CACNA1I: variants seen among roughly 807,000 people sequenced by gnomAD.
CACNA1I encodes the protein voltage-dependent T-type calcium channel subunit alpha-1I.
CACNA1I carries 74 observed loss-of-function variants against 201.6 expected under a neutral mutation model. The ratio of observed to expected loss-of-function variants is 0.37; its 90% CI spans 0.30 to 0.45. The LOEUF (loss-of-function observed/expected upper bound fraction) is 0.45, where lower values mean the gene tolerates loss of function less well. Among genes scored for constraint, CACNA1I ranks in the 20% least tolerant of loss-of-function variants. CACNA1I has a pLI of 1.00. For missense variants in CACNA1I, 2,346 were observed against 3,138.1 expected, an observed-to-expected ratio of 0.75 and a Z score of 6.03; for synonymous variants, 1,431 against 1,345.2, an observed-to-expected ratio of 1.06 and a Z score of -1.40.
Position 39,649,422 on chromosome 22 carries a change from G to A in CACNA1I, c.1568-79G>A. 7.3e-7 allele frequency: 1 copy of A among 1,370,960 alleles called. No homozygotes were observed. The allele number at this position is 1,370,960 out of a possible 1,614,324, so 84.9% of individuals were successfully genotyped here. Reference sequence around the variant, plus strand: ...GCAGACCTGTGGGCCTGGGAGCCAAGCGCACTCAGGGATGTGTCCCAGGGT... The same window carrying A: ...GCAGACCTGTGGGCCTGGGAGCCAAACGCACTCAGGGATGTGTCCCAGGGT... On this transcript the variant is annotated intron_variant, in intron 9 of 36. Transcript: ENST00000402142. This position sits in a 1 kb window ranked among gnomAD's most constrained non-coding sequence, Gnocchi z 7.3.
At position 39,585,525 on chromosome 22, in the gene CACNA1I, G is replaced by A. The variant is rs571802968; in HGVS notation, c.237-12626G>A. On this transcript the variant is annotated intron_variant, in intron 1 of 36. Coordinates refer to ENST00000402142, the MANE Select transcript of CACNA1I (RefSeq NM_021096.4). The stretch of plus-strand genomic sequence containing the variant: ...CTGCCTCAGCCTTCCAAGTAGCTGG[G>A]ATTACAGGTCTGAGCCACCACGCCC... 4.1e-3 allele frequency among the ~76,000 whole-genome samples: 621 copies of A among 150,056 alleles called. 4 individuals are homozygous for A. Among genetic ancestry groups the A allele is most frequent in the African/African-American group, 0.015 (598 of 40,810 alleles).
chr22:39,614,926 G>T (rs1384564560), intron 3 of CACNA1I, among the ~76,000 whole-genome samples: 1 of 152,242 alleles, frequency 6.6e-6, no homozygotes, highest in East Asian at 1.9e-4. Flanking sequence ...TTAGGAGCTG[G>T]CAGGAGGTAG....
chr22:39,573,828 G>A (rs1898587289), intron 1 of CACNA1I, among the ~76,000 whole-genome samples: 2 of 152,170 alleles, frequency 1.3e-5, no homozygotes, highest in African/African-American at 4.8e-5. Context: ...GGAGGGAGAG[G>A]AGTACTGGTT....
intron 1 of CACNA1I, among the ~76,000 whole-genome samples, chr22:39,596,822 C>T (rs1826382263): frequency 6.6e-6 from 1 of 152,086 alleles, no homozygotes; most frequent in Non-Finnish European, 1.5e-5. Flanking sequence ...GACCGCAGAG[C>T]CAGTCAGTGC....
intron 3 of CACNA1I, among the ~76,000 whole-genome samples, chr22:39,613,355 G>C (rs981805669): frequency 2.6e-5 from 4 of 152,194 alleles, no homozygotes; most frequent in African/African-American, 9.7e-5. Flanking sequence ...TGCCCTCATA[G>C]AGGATCAGTG....
intron 1 of CACNA1I, among the ~76,000 whole-genome samples, chr22:39,583,073 CATCCATCCAACA>C (rs1932619753): frequency 6.7e-6 from 1 of 149,388 alleles, no homozygotes; most frequent in African/African-American, 2.5e-5. Context: ...TCCATCCATC[CATCCATCCAACA>C]ATCCGTCCAT....
Position 39,665,218 on chromosome 22 carries a change from C to T in CACNA1I, c.3852-280C>T, listed in dbSNP as rs1569090709. On this transcript the variant is annotated intron_variant, in intron 21 of 36. Coordinates refer to ENST00000402142, the MANE Select transcript of CACNA1I (RefSeq NM_021096.4). This position sits in a 1 kb window ranked among gnomAD's most constrained non-coding sequence, Gnocchi z 5.5. ...CTAGACCAGGGTGTGGTGTGGACCCCGAGGAGCTGGGCACAGTGAGGGGTG... is the reference window on the plus strand; with the variant it reads ...CTAGACCAGGGTGTGGTGTGGACCCTGAGGAGCTGGGCACAGTGAGGGGTG... Among the ~76,000 whole-genome samples, 1 of 152,102 alleles carries T rather than the reference C, an allele frequency of 6.6e-6. No homozygotes were observed. The highest frequency in any genetic ancestry group is 1.5e-5 in the Non-Finnish European group (1 of 68,002).
chr22:39,634,272 G>C (rs1310061937), intron 4 of CACNA1I, among the ~76,000 whole-genome samples: 1 of 152,220 alleles, frequency 6.6e-6, no homozygotes, highest in Non-Finnish European at 1.5e-5. Context: ...ATTTGTGCAA[G>C]TACGCAGAAG....
At chr22:39,658,055 C>G (rs1203750385) in intron 10 of CACNA1I, 97 bp from the exon 11 acceptor site, 1 of 1,330,616 alleles carries the variant, frequency 7.5e-7, no homozygotes, top group African/African-American at 1.4e-5. Context: ...GGACACCGAC[C>G]TGCCAGGGTC....
At chr22:39,626,331 G>A (rs1179788620) in intron 4 of CACNA1I, among the ~76,000 whole-genome samples, 2 of 152,222 alleles carry the variant, frequency 1.3e-5, no homozygotes, top group African/African-American at 2.4e-5. Context: ...TACGCGATCC[G>A]CAGGTGCTGC....
chr22:39,668,553 T>C (rs136857), intron 24 of CACNA1I, among the ~76,000 whole-genome samples, 172 bp downstream of exon 24: 123,950 of 152,152 alleles, frequency 0.81, 51,299 homozygotes, highest in East Asian at 1. Flanking sequence ...ACCATTACAG[T>C]CCCTCCTCGG....
At chr22:39,612,672 C>G (rs1411236548) in intron 3 of CACNA1I, among the ~76,000 whole-genome samples, 11 of 152,190 alleles carry the variant, frequency 7.2e-5, no homozygotes, top group Non-Finnish European at 5.9e-5. Flanking sequence ...CCCAAAGGCC[C>G]TAATACCATC....
At position 39,577,719 on chromosome 22, in the gene CACNA1I, C is replaced by T. The variant is rs756944069; in HGVS notation, c.236+6731C>T. 7.9e-5 allele frequency among the ~76,000 whole-genome samples: 12 copies of T among 152,346 alleles called. 1 individual carries two copies. Among genetic ancestry groups the T allele is most frequent in the Middle Eastern group, 6.8e-3 (2 of 294 alleles). On this transcript the variant is annotated intron_variant, in intron 1 of 36. Transcript: ENST00000402142. ...ATGGCGAGAAACGACGGTGGACCAGCGTGCCGGCTGAGGGCCTGGAGAGGG... is the reference window on the plus strand; with the variant it reads ...ATGGCGAGAAACGACGGTGGACCAGTGTGCCGGCTGAGGGCCTGGAGAGGG...
At chr22:39,669,513 GTGAATGGATGGATGGGTGGATGGA>G (rs942839208) in intron 24 of CACNA1I, among the ~76,000 whole-genome samples, 1 of 151,690 alleles carries the variant, frequency 6.6e-6, no homozygotes, top group Non-Finnish European at 1.5e-5. Context: ...GCATGGATGG[GTGAATGGATGGATGGGTGGATGGA>G]TGAATGGATG....
Position 39,664,168 on chromosome 22 carries a change from C to A in CACNA1I, c.3666+9C>A. 1 of 1,609,890 alleles carries A rather than the reference C, an allele frequency of 6.2e-7. No homozygotes were observed. Among genetic ancestry groups the A allele is most frequent in the South Asian group, 1.1e-5 (1 of 90,348 alleles). On this transcript the variant is annotated intron_variant, in intron 20 of 36. Coordinates refer to ENST00000402142, the MANE Select transcript of CACNA1I (RefSeq NM_021096.4). The stretch of plus-strand genomic sequence containing the variant: ...GCGAGATGACATTGAAGGTAGCTCC[C>A]GGTTTCACCCGGGACCCCTGCTAGC...
rs1163241448 is a variant in CACNA1I, at chr22:39,630,625, G to A, written c.581-3940G>A. On this transcript the variant is annotated intron_variant, in intron 4 of 36. Transcript: ENST00000402142. ...GCGCAGAGCATGCCTGGTTTCCAGC[G>A]GGGAGGAGGAGGCAGAGCCGGGAAC... Among the ~76,000 whole-genome samples the A allele has an allele frequency of 2.0e-5, 3 of 152,378 alleles. No homozygotes were observed. The South Asian group carries it at 6.2e-4, about 32-fold the overall frequency.
At chr22:39,623,751 C>T (rs552909782) in intron 4 of CACNA1I, among the ~76,000 whole-genome samples, 7 of 142,622 alleles carry the variant, frequency 4.9e-5, no homozygotes, top group Non-Finnish European at 9.1e-5. Flanking sequence ...TGTGAACATG[C>T]GTGTGTCTAT....
At chr22:39,620,354 G>T (rs920624298) in intron 4 of CACNA1I, among the ~76,000 whole-genome samples, 1 of 141,304 alleles carries the variant, frequency 7.1e-6, no homozygotes, top group African/African-American at 2.7e-5. Flanking sequence ...TAGTCAGCCA[G>T]ACATCCACCT....
At chr22:39,655,696 G>A (rs917337204) in intron 10 of CACNA1I, among the ~76,000 whole-genome samples, 4 of 151,824 alleles carry the variant, frequency 2.6e-5, no homozygotes, top group East Asian at 1.9e-4. Flanking sequence ...GCCCATCTCC[G>A]CCCCTCCCTC....
Sources: gnomAD v4.1 joint callset for allele counts (sites outside exome capture counted in the v4.1 genomes callset) on GRCh38, gnomAD v4.1.1 for gene constraint, Gnocchi (gnomAD v3.1) non-coding constraint, MANE v1.5 for transcripts, NCBI Gene and HGNC (gene_info 2026-07-23, HGNC 2026-07-21) for gene names.